The following ANO5 variants were observed in gnomAD, a reference collection of about 807,000 sequenced individuals.
ANO5 encodes the protein anoctamin 5.
In ANO5, 109 loss-of-function variants were observed where a neutral mutation model predicts 121.0. The ratio of observed to expected loss-of-function variants is 0.90; its 90% confidence interval spans 0.77 to 1.06. The LOEUF (loss-of-function observed/expected upper bound fraction) is 1.06. ANO5 is among the 50% of genes least tolerant of loss of function. ANO5 has a pLI of 0.00. For missense variants in ANO5, 1,064 were observed against 1,078.5 expected (o/e 0.99, Z 0.19); for synonymous variants, 406 against 359.9 (o/e 1.13, Z -1.45).
At chr11:22,237,590 T>C (rs1202732883) in intron 8 of ANO5, among the ~76,000 whole-genome samples, 1 of 152,008 alleles carries the variant, frequency 6.6e-6, no homozygotes, top group Non-Finnish European at 1.5e-5. Flanking sequence ...GGGGTTTTGC[T>C]ATGTTGGCCA....
At chr11:22,271,547 T>G (rs73483420) in intron 18 of ANO5, among the ~76,000 whole-genome samples, 6 of 152,182 alleles carry the variant, frequency 3.9e-5, no homozygotes, top group African/African-American at 1.2e-4. Flanking sequence ...GATAAGGCTA[T>G]GATTTTTAAT....
At position 22,239,501 on chromosome 11, in the gene ANO5, A is replaced by G. The variant is rs572574293; in HGVS notation, c.763-68A>G. 1.4e-4 allele frequency: 141 copies of G among 1,039,688 alleles called. No homozygotes were observed. In the African/African-American group the frequency reaches 1.8e-3, roughly 13 times the overall value. The allele number at this position is 1,039,688 out of a possible 1,614,324, so 64.4% of individuals were successfully genotyped here. On this transcript the variant is annotated intron_variant, in intron 8 of 21. Coordinates refer to ENST00000324559, the MANE Select transcript of ANO5 (RefSeq NM_213599.3). ...TGTTTACTAACATTCTTAGAACAGC[A>G]GTGTTTATTTACTTCGTCTTTGTCT...
chr11:22,250,956 C>T lies in ANO5; in HGVS notation c.1125C>T (p.Ser375=), dbSNP rs139458696. 23 of 1,612,268 alleles carry T rather than the reference C, an allele frequency of 1.4e-5. No homozygotes were observed. In the African/African-American group the frequency reaches 1.9e-4, roughly 13 times the overall value. Reference sequence around the variant, plus strand: ...TGTTATTGTTATTTTTACAGTTCTCCCATTTGTTTGATAATGAGTCAACAG... The same window carrying T: ...TGTTATTGTTATTTTTACAGTTCTCTCATTTGTTTGATAATGAGTCAACAG... ...LNSTCLASKF[S]HLFDNESTVF... The change falls in exon 12 of 22, where the codon TCC becomes TCT. Residue 375 remains serine (S), a synonymous_variant. Transcript: ENST00000324559.
intron 12 of ANO5, 146 bp downstream of exon 12, chr11:22,251,157 A>G: frequency 1.2e-6 from 1 of 808,472 alleles, no homozygotes; most frequent in Non-Finnish European, 2.0e-6. Context: ...ATACTGATGG[A>G]GTGCATATTA....
intron 1 of ANO5, among the ~76,000 whole-genome samples, chr11:22,199,740 T>C (rs544727624): frequency 6.6e-6 from 1 of 152,230 alleles, no homozygotes; most frequent in East Asian, 1.9e-4. Context: ...ATTCACTCTG[T>C]TGTGATGTGT....
chr11:22,248,300 A>T (rs2133696390), intron 9 of ANO5, among the ~76,000 whole-genome samples: 1 of 152,168 alleles, frequency 6.6e-6, no homozygotes, highest in East Asian at 1.9e-4. Flanking sequence ...TGGACAGGTT[A>T]AAAAAGATCA....
intron 1 of ANO5, among the ~76,000 whole-genome samples, chr11:22,196,877 A>C (rs1851829288): frequency 6.6e-6 from 1 of 152,202 alleles, no homozygotes; most frequent in South Asian, 2.1e-4. Flanking sequence ...CAAATAAATA[A>C]ATAAATAAAA....
At chr11:22,231,321 T>C (rs1225847118) in intron 7 of ANO5, among the ~76,000 whole-genome samples, 2 of 151,978 alleles carry the variant, frequency 1.3e-5, no homozygotes, top group Non-Finnish European at 2.9e-5. Context: ...TCAATATCAC[T>C]TTTATGGTCA....
At chr11:22,227,627 A>G (rs756943007) in intron 7 of ANO5, 41 bp downstream of exon 7, 1 of 1,599,770 alleles carries the variant, frequency 6.3e-7, no homozygotes, top group Non-Finnish European at 8.6e-7. Context: ...TTCAAATACG[A>G]GATGTATGCT....
Position 22,225,046 on chromosome 11 carries a change from A to G in ANO5, c.295-938A>G, listed in dbSNP as rs146871172. Among the ~76,000 whole-genome samples, 359 of 152,214 alleles carry G rather than the reference A, an allele frequency of 2.4e-3. 1 individual carries two copies. The highest frequency in any genetic ancestry group is 8.5e-3 in the African/African-American group (354 of 41,552). ...TAAAGGGGGAAAAACAATATAATGCATTTATTACTACTGAACTATACACTT... is the reference window on the plus strand; with the variant it reads ...TAAAGGGGGAAAAACAATATAATGCGTTTATTACTACTGAACTATACACTT... On this transcript the variant is annotated intron_variant, in intron 5 of 21. Transcript: ENST00000324559.
In ANO5 at chr11:22,193,281, A is replaced by C; in HGVS notation, c.-212A>C. 2.1e-6 allele frequency: 3 copies of C among 1,415,956 alleles called. No homozygotes were observed. Among genetic ancestry groups the C allele is most frequent in the East Asian group, 2.6e-5 (1 of 38,062 alleles). The allele number at this position is 1,415,956 out of a possible 1,614,324, so 87.7% of individuals were successfully genotyped here. A position where few individuals can be genotyped will look rare whatever the true frequency, so the allele number is the denominator to read the frequency against. On this transcript the variant is annotated 5_prime_UTR_variant, in exon 1 of 22. Transcript: ENST00000324559. The stretch of plus-strand genomic sequence containing the variant: ...GAGTGGAAGTACCCGCCGGAGAGGA[A>C]GGCCGGCTGGCTGTGGCGCCCAGAG...
chr11:22,219,049 A>G (rs1160359032), intron 4 of ANO5, among the ~76,000 whole-genome samples: 1 of 152,130 alleles, frequency 6.6e-6, no homozygotes, highest in African/African-American at 2.4e-5. Context: ...GTATGTTAGT[A>G]ACATTCAGTT....
At chr11:22,276,064 T>A (rs750859198) in intron 20 of ANO5, 30 bp from the exon 21 acceptor site, 195 of 1,401,558 alleles carry the variant, frequency 1.4e-4, no homozygotes, top group African/African-American at 1.3e-3. Context: ...ATTATTATTT[T>A]TTTTTTTTGC....
chr11:22,264,816 TACA>T (rs1324820150), intron 17 of ANO5, among the ~76,000 whole-genome samples: 3 of 152,220 alleles, frequency 2.0e-5, no homozygotes, highest in Non-Finnish European at 2.9e-5. Flanking sequence ...AAATAATGAG[TACA>T]ACAAGATGGG....
At position 22,236,165 on chromosome 11, in the gene ANO5, G is replaced by A. The variant is rs1337233436; in HGVS notation, c.651G>A (p.Val217=). 6.2e-7 allele frequency: 1 copy of A among 1,601,612 alleles called. No homozygotes were observed. The highest frequency in any genetic ancestry group is 8.6e-7 in the Non-Finnish European group (1 of 1,168,984). The change falls in exon 8 of 22, where the codon GTG becomes GTA. Residue 217 remains valine, a splice_region_variant and synonymous_variant. Transcript: ENST00000324559. ...FFPSSSRNRI[V]YYILSRCPFG... ...GTCTCTTTGCACTTACCTTGTAGGT[G>A]TACTATATTCTCTCAAGATGTCCTT...
chr11:22,193,272 C>G lies in ANO5; in HGVS notation c.-221C>G. On this transcript the variant is annotated 5_prime_UTR_variant, in exon 1 of 22. Transcript: ENST00000324559. ...GACCGGGTCGAGTGGAAGTACCCGC[C>G]GGAGAGGAAGGCCGGCTGGCTGTGG... 1 of 1,159,160 alleles carries G rather than the reference C, an allele frequency of 8.6e-7. No individual in the cohort carries two copies. Among genetic ancestry groups the G allele is most frequent in the South Asian group, 2.6e-5 (1 of 38,582 alleles). The allele number at this position is 1,159,160 out of a possible 1,614,324, so 71.8% of individuals were successfully genotyped here. A position where few individuals can be genotyped will look rare whatever the true frequency, so the allele number is the denominator to read the frequency against.
chr11:22,281,899 T>C lies in ANO5; in HGVS notation c.*2134T>C, dbSNP rs1855094275. The C allele has an allele frequency of 6.6e-6, 1 of 152,164 alleles. No individual in the cohort carries two copies. Among genetic ancestry groups the C allele is most frequent in the Non-Finnish European group, 1.5e-5 (1 of 67,974 alleles). 9.4% of individuals were successfully genotyped at this position (152,164 alleles called of 1,614,324 possible). On this transcript the variant is annotated 3_prime_UTR_variant, in exon 22 of 22. Coordinates refer to ENST00000324559, the MANE Select transcript of ANO5 (RefSeq NM_213599.3). Reference sequence around the variant, plus strand: ...TCCCATGGATTGATAAATATTTTCCTTTTAAAATGTTATGGACTGATATTT... The same window carrying C: ...TCCCATGGATTGATAAATATTTTCCCTTTAAAATGTTATGGACTGATATTT...
At chr11:22,254,403 G>A (rs1450656918) in intron 12 of ANO5, among the ~76,000 whole-genome samples, 15 of 152,064 alleles carry the variant, frequency 9.9e-5, no homozygotes, top group Admixed American at 3.3e-4. Flanking sequence ...GCATGTATAT[G>A]CCCACCAATA....
chr11:22,215,348 T>C (rs1852405784), intron 3 of ANO5, among the ~76,000 whole-genome samples: 1 of 152,012 alleles, frequency 6.6e-6, no homozygotes, highest in Non-Finnish European at 1.5e-5. Flanking sequence ...AATTGATCTG[T>C]GCATGTATTT....
Sources: gnomAD v4.1 joint callset for allele counts (sites outside exome capture counted in the v4.1 genomes callset) on GRCh38, gnomAD v4.1.1 for gene constraint, MANE v1.5 for transcripts, NCBI Gene and HGNC (gene_info 2026-07-23, HGNC 2026-07-21) for gene names.